GSE1: variants seen among roughly 807,000 people sequenced by gnomAD.
The protein encoded by GSE1 is Gse1 coiled-coil protein.
A neutral mutation model predicts 112.6 loss-of-function variants in GSE1; 32 were observed. That is an observed-to-expected ratio of 0.28 (90% CI 0.21 to 0.38). The LOEUF is 0.38. Ranked by LOEUF, GSE1 falls within the 10% of genes least tolerant of loss-of-function variation. The probability of loss-of-function intolerance (pLI) is 1.00; values close to 1 mark genes in which losing one functional copy is unlikely to be tolerated. For missense variants in GSE1, 2,348 were observed against 1,699.2 expected (o/e 1.38, Z -6.71); for synonymous variants, 1,115 against 735.6 (o/e 1.52, Z -8.35).
intron 5 of GSE1, 40 bp downstream of exon 5, chr16:85,655,031 C>T (rs747103213): frequency 1.2e-5 from 16 of 1,303,696 alleles, no homozygotes; most frequent in East Asian, 7.2e-5. Context: ...TAGGTGCTGG[C>T]CTGTTCCTGG....
intron 2 of GSE1, among the ~76,000 whole-genome samples, chr16:85,436,863 C>T (rs1408928982): frequency 6.6e-6 from 1 of 152,228 alleles, no homozygotes; most frequent in Non-Finnish European, 1.5e-5. Context: ...TCGGTTCCCC[C>T]ATCCCACGCA....
intron 1 of GSE1, among the ~76,000 whole-genome samples, chr16:85,627,505 G>A (rs2049176237): frequency 6.6e-6 from 1 of 151,936 alleles, no homozygotes; most frequent in East Asian, 1.9e-4. Flanking sequence ...TGGGGGTGGG[G>A]GTCAAGGTGG....
chr16:85,257,030 G>A (rs35212451), intron 1 of GSE1, among the ~76,000 whole-genome samples: 15,615 of 152,092 alleles, frequency 0.1, 2,380 homozygotes, highest in African/African-American at 0.34. Context: ...CTTTGGGTGG[G>A]GAGGACATGG....
At chr16:85,281,438 C>T (rs528547695) in intron 1 of GSE1, among the ~76,000 whole-genome samples, 1 of 152,218 alleles carries the variant, frequency 6.6e-6, no homozygotes, top group South Asian at 2.1e-4. Context: ...CTCATATCCC[C>T]TCTGTAGGTG....
intron 13 of GSE1, among the ~76,000 whole-genome samples, chr16:85,667,570 G>A (rs1446982249): frequency 6.6e-6 from 1 of 152,240 alleles, no homozygotes; most frequent in Non-Finnish European, 1.5e-5. Flanking sequence ...TCAAAGAGAT[G>A]GAGGCAGCCG....
intron 1 of GSE1, among the ~76,000 whole-genome samples, chr16:85,228,274 T>C (rs775831148): frequency 2.6e-5 from 4 of 152,178 alleles, no homozygotes; most frequent in Non-Finnish European, 5.9e-5. Context: ...ACGGGTTTGT[T>C]TGGTTTTCTT....
At chr16:85,341,486 C>T (rs946342810) in intron 1 of GSE1, among the ~76,000 whole-genome samples, 6 of 152,096 alleles carry the variant, frequency 3.9e-5, no homozygotes, top group African/African-American at 7.2e-5. Context: ...GATGAAACCC[C>T]GTCTCTACTA....
chr16:85,400,325 T>G (rs1001262708), intron 2 of GSE1, among the ~76,000 whole-genome samples: 1 of 150,692 alleles, frequency 6.6e-6, no homozygotes, highest in African/African-American at 2.4e-5. Context: ...GTGTGTGTGA[T>G]TATATGTCTG....
chr16:85,423,353 C>T (rs1432155395), intron 2 of GSE1, among the ~76,000 whole-genome samples: 1 of 152,208 alleles, frequency 6.6e-6, no homozygotes, highest in Non-Finnish European at 1.5e-5. Flanking sequence ...GGGGGCTCCA[C>T]CCAGCTGCTG....
At chr16:85,654,684 C>G (rs1018851087) in intron 4 of GSE1, 110 bp from the exon 5 acceptor site, 2 of 780,934 alleles carry the variant, frequency 2.6e-6, no homozygotes, top group Non-Finnish European at 4.3e-6. Context: ...TGCCAGGAGT[C>G]TGGGTGCCGA....
At chr16:85,388,181 T>TGGATGGATGGATGGATGGATGGAG (rs2047735159) in intron 2 of GSE1, among the ~76,000 whole-genome samples, 1 of 149,854 alleles carries the variant, frequency 6.7e-6, no homozygotes, top group Admixed American at 6.6e-5. Flanking sequence ...GATGGGTGGG[T>TGGATGGATGGATGGATGGATGGAG]GGATGGATGG....
Position 85,296,200 on chromosome 16 carries a change from G to A in GSE1, c.2284-61263G>A, listed in dbSNP as rs369109250. 7.0e-4 allele frequency among the ~76,000 whole-genome samples: 106 copies of A among 152,270 alleles called. 1 individual carries two copies. In the East Asian group the frequency reaches 0.014, roughly 19 times the overall value. On this transcript the variant is annotated intron_variant, in intron 1 of 2. Transcript: ENST00000637419. ...CGCTAGGGAAGGGGACAGCCTGTGC[G>A]AACACTGCCCGTCCCTCCCCGTGGC...
chr16:85,188,691 C>G (rs937971879), intron 1 of GSE1, among the ~76,000 whole-genome samples: 1 of 151,440 alleles, frequency 6.6e-6, no homozygotes, highest in Non-Finnish European at 1.5e-5. Flanking sequence ...GTTCCAGATA[C>G]GGGGGAGGCT....
intron 1 of GSE1, among the ~76,000 whole-genome samples, chr16:85,337,632 C>T (rs576719467): frequency 9.2e-5 from 14 of 152,190 alleles, no homozygotes; most frequent in Non-Finnish European, 1.8e-4. Context: ...GCAGGGAAAC[C>T]GGGGACCTGG....
intron 2 of GSE1, among the ~76,000 whole-genome samples, chr16:85,440,052 G>A (rs1597760043): frequency 6.6e-6 from 1 of 152,344 alleles, no homozygotes; most frequent in East Asian, 1.9e-4. Context: ...TTGCACCTTC[G>A]GGTTTAAGCC....
intron 2 of GSE1, among the ~76,000 whole-genome samples, chr16:85,391,253 T>C (rs1455020843): frequency 1.3e-5 from 2 of 152,350 alleles, no homozygotes; most frequent in East Asian, 3.9e-4. Flanking sequence ...ATTCGGGCAT[T>C]AATGCATGTC....
At chr16:85,455,759 TG>T (rs1391004175) in intron 2 of GSE1, among the ~76,000 whole-genome samples, 1 of 152,208 alleles carries the variant, frequency 6.6e-6, no homozygotes, top group Non-Finnish European at 1.5e-5. Context: ...CTGACAAGCT[TG>T]GGGGGAATGT....
At chr16:85,252,422 C>A (rs1432726319) in intron 1 of GSE1, among the ~76,000 whole-genome samples, 1 of 152,212 alleles carries the variant, frequency 6.6e-6, no homozygotes, top group African/African-American at 2.4e-5. Context: ...CTGTGGAAAT[C>A]AGCCCTAGAC....
intron 2 of GSE1, among the ~76,000 whole-genome samples, chr16:85,443,919 C>T (rs1449746751): frequency 2.0e-5 from 3 of 150,506 alleles, no homozygotes; most frequent in Admixed American, 6.6e-5. Flanking sequence ...AGCTGTGGGC[C>T]GGCCCACCTG....
Sources: gnomAD v4.1 joint callset for allele counts (sites outside exome capture counted in the v4.1 genomes callset) on GRCh38, gnomAD v4.1.1 for gene constraint, MANE v1.5 for transcripts, NCBI Gene and HGNC (gene_info 2026-07-23, HGNC 2026-07-21) for gene names.